AUTS2: variants seen among roughly 807,000 people sequenced by gnomAD.
AUTS2 encodes the protein autism susceptibility gene 2 protein.
Under a neutral mutation model 112.4 loss-of-function variants are expected in AUTS2, and 17 were observed. The observed-to-expected ratio is 0.15, with a 90% confidence interval of 0.10 to 0.23. The LOEUF (loss-of-function observed/expected upper bound fraction) is 0.23. AUTS2 is among the 10% of genes least tolerant of loss of function. AUTS2 has a pLI of 1.00. For synonymous variants in AUTS2, 751 were observed against 702.7 expected (o/e 1.07, Z -1.09); for missense variants, 1,510 against 1,701.6 (o/e 0.89, Z 1.98).
rs1796048224 is a variant in AUTS2 at position 70,439,746 on chromosome 7, T to C, written c.690+3965T>C. ...GTATCATGAGAACAAAGAGGCAACA[T>C]GCAATTGCCAAATATTTGGCCTATA... is the stretch of plus-strand genomic sequence containing the variant. On this transcript the variant is annotated intron_variant, in intron 5 of 18. Transcript: ENST00000342771. Among the ~76,000 whole-genome samples the C allele has an allele frequency of 2.6e-5, 4 of 152,124 alleles. No homozygotes were observed. The South Asian group carries it at 8.3e-4, about 32-fold the overall frequency.
rs1173907576 is a variant in AUTS2, at chr7:70,784,956, A to G, written c.2161A>G (p.Thr721Ala). 6 of 1,614,120 alleles carry G rather than the reference A, an allele frequency of 3.7e-6. No individual in the cohort carries two copies. The highest frequency in any genetic ancestry group is 2.2e-5 in the East Asian group (1 of 44,862). The change falls in exon 16 of 19, where the codon ACT (threonine) becomes GCT (alanine). Residue 721 changes from threonine (T) to alanine (A), a missense_variant. Physicochemically the swap from Thr to Ala is moderately conservative, Grantham distance 58. Coordinates refer to ENST00000342771, the MANE Select transcript of AUTS2 (RefSeq NM_015570.4). ...TGACTTAACAGGTGCTGCACACCCA[A>G]CTGGGACCCCTTTTGGGCCACCTCC... ...LFSAAGAAHP[T>A]GTPFGPPPHH...
intron 6 of AUTS2, among the ~76,000 whole-genome samples, chr7:70,721,561 A>G (rs888528221): frequency 2.3e-4 from 35 of 152,044 alleles, no homozygotes; most frequent in African/African-American, 7.5e-4. Context: ...TCTTTTGTCA[A>G]TTTATCCAGT....
chr7:70,381,785 C>T (rs1193640159), intron 4 of AUTS2, among the ~76,000 whole-genome samples: 3 of 152,170 alleles, frequency 2.0e-5, no homozygotes, highest in East Asian at 3.9e-4. Flanking sequence ...CTTCCTCCTG[C>T]TCCTACCTGC....
At chr7:70,416,480 GCT>G (rs1794992381) in intron 4 of AUTS2, among the ~76,000 whole-genome samples, 1 of 152,196 alleles carries the variant, frequency 6.6e-6, no homozygotes, top group Admixed American at 6.5e-5. Context: ...CAAGCTCAAT[GCT>G]CTCTCTCTCC....
chr7:70,497,238 C>T (rs1046360745), intron 5 of AUTS2, among the ~76,000 whole-genome samples: 4 of 149,108 alleles, frequency 2.7e-5, no homozygotes, highest in Non-Finnish European at 6.0e-5. Context: ...ACACCCCACT[C>T]ACACACACCA....
chr7:70,687,900 T>C (rs1425363754), intron 5 of AUTS2, among the ~76,000 whole-genome samples: 1 of 152,198 alleles, frequency 6.6e-6, no homozygotes, highest in Non-Finnish European at 1.5e-5. Context: ...AAGAAATCCC[T>C]GGGAACCAGA....
chr7:70,020,864 T>C (rs1800239142), intron 2 of AUTS2, among the ~76,000 whole-genome samples: 1 of 152,134 alleles, frequency 6.6e-6, no homozygotes, highest in South Asian at 2.1e-4. Flanking sequence ...AGAGACAAGG[T>C]CTTGCCATTC....
chr7:70,710,975 G>C (rs916784670), intron 6 of AUTS2, among the ~76,000 whole-genome samples: 5 of 152,218 alleles, frequency 3.3e-5, no homozygotes, highest in Non-Finnish European at 2.9e-5. Context: ...TACCCCCATG[G>C]GAAGAGGAAC....
intron 5 of AUTS2, among the ~76,000 whole-genome samples, chr7:70,684,658 C>T (rs1445579301): frequency 6.8e-6 from 1 of 147,752 alleles, no homozygotes; most frequent in Non-Finnish European, 1.5e-5. Context: ...TGTGGCGTGG[C>T]GTGTGGTGTG....
At chr7:69,784,069 G>A (rs1400440540) in intron 1 of AUTS2, among the ~76,000 whole-genome samples, 1 of 152,160 alleles carries the variant, frequency 6.6e-6, no homozygotes, top group East Asian at 1.9e-4. Flanking sequence ...TTTTCAGGGT[G>A]AGTAGCCATT....
chr7:70,600,843 A>G (rs1803441040), intron 5 of AUTS2, among the ~76,000 whole-genome samples: 1 of 152,202 alleles, frequency 6.6e-6, no homozygotes, highest in Non-Finnish European at 1.5e-5. Context: ...AAGCTGTAAC[A>G]TGTATCAGTA....
intron 4 of AUTS2, among the ~76,000 whole-genome samples, chr7:70,138,742 T>C (rs1468300859): frequency 3.9e-5 from 6 of 152,228 alleles, no homozygotes; most frequent in Non-Finnish European, 7.3e-5. Flanking sequence ...TGTAGTGGTA[T>C]ACATCTTCAG....
chr7:70,474,806 T>A (rs1797520033), intron 5 of AUTS2, among the ~76,000 whole-genome samples: 2 of 152,146 alleles, frequency 1.3e-5, no homozygotes, highest in East Asian at 1.9e-4. Context: ...TAGGACCCAC[T>A]GTGAAGGACC....
At chr7:69,899,783 C>G (rs1331942237) in intron 2 of AUTS2, among the ~76,000 whole-genome samples, 2 of 152,184 alleles carry the variant, frequency 1.3e-5, no homozygotes. Flanking sequence ...CCTGTCTTAA[C>G]AGTTGTCAAG....
chr7:70,444,045 C>T (rs577017510), intron 5 of AUTS2, among the ~76,000 whole-genome samples: 24 of 152,288 alleles, frequency 1.6e-4, no homozygotes, highest in African/African-American at 5.5e-4. Context: ...AATGAGCCAT[C>T]GCCTTGGGTG....
At chr7:69,895,236 T>G (rs1264638244) in intron 1 of AUTS2, among the ~76,000 whole-genome samples, 4 of 152,202 alleles carry the variant, frequency 2.6e-5, no homozygotes, top group African/African-American at 9.7e-5. Context: ...AATGGATAGT[T>G]TTTGTCATTT....
At chr7:70,367,495 G>A (rs1227942793) in intron 4 of AUTS2, among the ~76,000 whole-genome samples, 1 of 151,654 alleles carries the variant, frequency 6.6e-6, no homozygotes, top group Non-Finnish European at 1.5e-5. Flanking sequence ...GGCGGAGCTT[G>A]CAGTGAGCTG....
chr7:70,114,191 C>G (rs1470236383), intron 2 of AUTS2, among the ~76,000 whole-genome samples: 1 of 152,166 alleles, frequency 6.6e-6, no homozygotes, highest in African/African-American at 2.4e-5. Context: ...AAGCTTCTCA[C>G]AACAGAGAGT....
At chr7:70,084,836 C>T (rs549936144) in intron 2 of AUTS2, among the ~76,000 whole-genome samples, 33 of 151,980 alleles carry the variant, frequency 2.2e-4, no homozygotes, top group African/African-American at 7.5e-4. Flanking sequence ...CTCTTAACAG[C>T]GTCTTACAAG....
Sources: gnomAD v4.1 joint callset for allele counts (sites outside exome capture counted in the v4.1 genomes callset) on GRCh38, gnomAD v4.1.1 for gene constraint, MANE v1.5 for transcripts, NCBI Gene and HGNC (gene_info 2026-07-23, HGNC 2026-07-21) for gene names.